Variants in SZT2 observed in about 807,000 individuals in gnomAD.
SZT2 encodes the protein KICSTOR complex protein SZT2.
A neutral mutation model predicts 404.2 loss-of-function variants in SZT2; 216 were observed. The ratio of observed to expected loss-of-function variants is 0.53; its 90% CI spans 0.48 to 0.60. The LOEUF is 0.60. Among genes scored for constraint, SZT2 ranks in the 20% least tolerant of loss-of-function variants. SZT2 has a pLI of 0.00. For synonymous variants in SZT2, 1,693 were observed against 1,749.9 expected (o/e 0.97, Z 0.81); for missense variants, 3,857 against 4,459.2 (o/e 0.86, Z 3.85).
Position 43,449,872 on chromosome 1 carries a change from C to T in SZT2, c.10087-231C>T, listed in dbSNP as rs1656173763. On this transcript the variant is annotated intron_variant, in intron 70 of 71. Coordinates refer to ENST00000634258, the MANE Select transcript of SZT2 (RefSeq NM_001365999.1). ...GTGTGCCAGGCTCTGTGTGGGGCCTCCAGGATCAACTGTTACCCCTCATTC... is the reference window on the plus strand; with the variant it reads ...GTGTGCCAGGCTCTGTGTGGGGCCTTCAGGATCAACTGTTACCCCTCATTC... 5 of 608,520 alleles carry T rather than the reference C, an allele frequency of 8.2e-6. No individual in the cohort carries two copies. In the South Asian group the frequency reaches 9.3e-5, roughly 11 times the overall value. The allele number at this position is 608,520 out of a possible 1,614,324, so 37.7% of individuals were successfully genotyped here. A position where few individuals can be genotyped will look rare whatever the true frequency, so the allele number is the denominator to read the frequency against.
chr1:43,396,487 A>G (rs839758), intron 1 of SZT2, among the ~76,000 whole-genome samples: 67,635 of 152,042 alleles, frequency 0.44, 15,522 homozygotes, highest in African/African-American at 0.51. Flanking sequence ...TCCCAACTCT[A>G]CCAACTAAAC....
rs1486989745 is a variant in SZT2 at position 43,452,351 on chromosome 1, C to G, written c.*1871C>G. On this transcript the variant is annotated 3_prime_UTR_variant, in exon 72 of 72. Transcript: ENST00000634258. ...GGAAGATGGACTGGAGGCCTTGCCT[C>G]CCTTGGCTCTCTCTGCACCTCTTCC... 1 of 1,550,140 alleles carries G rather than the reference C, an allele frequency of 6.5e-7. No individual in the cohort carries two copies. Among genetic ancestry groups the G allele is most frequent in the South Asian group, 1.1e-5 (1 of 88,378 alleles).
chr1:43,404,425 C>G lies in SZT2; in HGVS notation c.373C>G (p.Leu125Val), dbSNP rs1158716180. The G allele has an allele frequency of 6.2e-7, 1 of 1,614,068 alleles. No individual in the cohort carries two copies. The highest frequency in any genetic ancestry group is 1.3e-5 in the African/African-American group (1 of 75,040). Reference protein sequence around the residue: ...EILFDEVFHALSRCLGGLLRP... With the variant: ...EILFDEVFHAVSRCLGGLLRP... Reference sequence around the variant, plus strand: ...CTTGTTTGATGAAGTTTTCCATGCCCTGTCCCGCTGCTTAGGCGGGCTGCT... The same window carrying G: ...CTTGTTTGATGAAGTTTTCCATGCCGTGTCCCGCTGCTTAGGCGGGCTGCT... The change falls in exon 4 of 72, where the codon CTG (leucine) becomes GTG (valine). Residue 125 changes from leucine (L) to valine (V), a missense_variant. By Grantham distance (32) the Leu-to-Val change is conservative. Transcript: ENST00000634258.
At chr1:43,446,302 GTC>G (rs753027150) in intron 64 of SZT2, 38 bp from the exon 65 acceptor site, 1 of 1,614,206 alleles carries the variant, frequency 6.2e-7, no homozygotes, top group South Asian at 1.1e-5. Context: ...AGACCCACCT[GTC>G]TCTCGCCTTC....
chr1:43,404,248 T>C (rs1341900695), intron 3 of SZT2, 132 bp from the exon 4 acceptor site: 2 of 741,562 alleles, frequency 2.7e-6, no homozygotes, highest in Non-Finnish European at 2.2e-6. Context: ...AACTGTTCCA[T>C]GTGTGGCACT....
rs780407748 is a variant in SZT2, at chr1:43,435,278, C to T, written c.5983C>T (p.Arg1995Cys). ...GGCCGAGAGTGAAGAAGATCTGTGG[C>T]GCAGTGAGACTCCCTTCCACTCCCG... ...LVAESEEDLW[R>C]SETPFHSRQR... Residue 1995 changes from arginine (R) to cysteine (C), a missense_variant, in exon 42 of 72, where the codon CGC becomes TGC. Arg to Cys is a radical substitution (Grantham distance 180). Transcript: ENST00000634258. 3.7e-6 allele frequency: 6 copies of T among 1,614,208 alleles called. No individual in the cohort carries two copies. The highest frequency in any genetic ancestry group is 1.7e-5 in the Admixed American group (1 of 60,020).
Position 43,450,281 on chromosome 1 carries a change from C to T in SZT2, c.10156-56C>T. ...TGCCCACCCTTTCTGAGCCCTGCCT[C>T]CTATCCCCACCCATGCCCTCCTCTC... On this transcript the variant is annotated intron_variant, in intron 71 of 71. Transcript: ENST00000634258. This position sits in a 1 kb window ranked among gnomAD's most constrained non-coding sequence, Gnocchi z 4.3. 3.1e-6 allele frequency: 5 copies of T among 1,613,750 alleles called. No homozygotes were observed. The highest frequency in any genetic ancestry group is 2.2e-5 in the East Asian group (1 of 44,872).
chr1:43,431,908 T>C lies in SZT2; in HGVS notation c.5274+7T>C, dbSNP rs372829949. 2.5e-5 allele frequency: 41 copies of C among 1,613,896 alleles called. No individual in the cohort carries two copies. Among genetic ancestry groups the C allele is most frequent in the Non-Finnish European group, 3.4e-5 (40 of 1,180,010 alleles). Reference sequence around the variant, plus strand: ...CCTCACACAATTCAAGGAGGTAAGTTGCCCTCCAAACACTGCAGGGTCACC... The same window carrying C: ...CCTCACACAATTCAAGGAGGTAAGTCGCCCTCCAAACACTGCAGGGTCACC... On this transcript the variant is annotated splice_region_variant and intron_variant, in intron 36 of 71. Coordinates refer to ENST00000634258, the MANE Select transcript of SZT2 (RefSeq NM_001365999.1).
At chr1:43,440,751 C>T (rs998356458) in intron 52 of SZT2, among the ~76,000 whole-genome samples, 165 bp downstream of exon 52, 3 of 152,176 alleles carry the variant, frequency 2.0e-5, no homozygotes, top group African/African-American at 7.2e-5. Flanking sequence ...TTAGTCCCAG[C>T]TCCTCAGGAG....
rs773947729 is a variant in SZT2 at position 43,451,758 on chromosome 1, C to G, written c.*1278C>G. ...CTACATTCCGAGACCCCGCAGGCCCCGCCCTCCTTCCGATCTGCGAAGTAC... is the reference window on the plus strand; with the variant it reads ...CTACATTCCGAGACCCCGCAGGCCCGGCCCTCCTTCCGATCTGCGAAGTAC... On this transcript the variant is annotated 3_prime_UTR_variant, in exon 72 of 72. Coordinates refer to ENST00000634258, the MANE Select transcript of SZT2 (RefSeq NM_001365999.1). 6.2e-7 allele frequency: 1 copy of G among 1,613,790 alleles called. No homozygotes were observed. The highest frequency in any genetic ancestry group is 8.5e-7 in the Non-Finnish European group (1 of 1,179,682).
chr1:43,404,702 C>G lies in SZT2; in HGVS notation c.498+152C>G, dbSNP rs570637110. Reference sequence around the variant, plus strand: ...TTTCTAGTCATCCTCATGAGTCTCTCTCTCCTTGAGAAGAACCAGTTCCTC... The same window carrying G: ...TTTCTAGTCATCCTCATGAGTCTCTGTCTCCTTGAGAAGAACCAGTTCCTC... On this transcript the variant is annotated intron_variant, in intron 4 of 71. Coordinates refer to ENST00000634258, the MANE Select transcript of SZT2 (RefSeq NM_001365999.1). 5.3e-5 allele frequency: 39 copies of G among 741,644 alleles called. 2 individuals are homozygous for G. The South Asian group carries it at 7.9e-4, about 15-fold the overall frequency. The allele number at this position is 741,644 out of a possible 1,614,324, so 45.9% of individuals were successfully genotyped here.
chr1:43,443,754 G>A lies in SZT2; in HGVS notation c.8783G>A (p.Gly2928Asp), dbSNP rs1263827442. The change falls in exon 62 of 72, where the codon GGT becomes GAT. Residue 2928 changes from glycine to aspartate, a missense_variant. Gly to Asp is a moderately conservative substitution (Grantham distance 94). Around this residue, in one of 7 missense-constraint regions of SZT2, gnomAD observed 717 missense variants for 868.2 expected, o/e 0.83. Transcript: ENST00000634258. ...QQYVQYLQSI[G>D]FVLVPLRPPS... ...TATGTGCAGTATCTGCAGAGCATAG[G>A]TTTTGTGCTGGTACCACTGCGGCCC... The A allele has an allele frequency of 3.7e-6, 6 of 1,614,000 alleles. No homozygotes were observed. The highest frequency in any genetic ancestry group is 5.1e-6 in the Non-Finnish European group (6 of 1,180,036).
At position 43,442,318 on chromosome 1, in the gene SZT2, C is replaced by A. The variant is rs201557875; in HGVS notation, c.7924C>A (p.Arg2642=). Residue 2642 remains arginine (R), a synonymous_variant, in exon 57 of 72, where the codon CGA becomes AGA. Transcript: ENST00000634258. The surrounding 1 kb of genome is among the most constrained non-coding windows in gnomAD (Gnocchi z 4.5). The part of the protein sequence containing the change: ...FEPGGDGSSG[R]NAPRQRLLLL... ...GCCAGGAGGTGATGGGAGCTCAGGGCGAAATGCTCCCCGGCAGAGGCTCTT... is the reference window on the plus strand; with the variant it reads ...GCCAGGAGGTGATGGGAGCTCAGGGAGAAATGCTCCCCGGCAGAGGCTCTT... 9.3e-6 allele frequency: 15 copies of A among 1,614,036 alleles called. No homozygotes were observed. In the East Asian group the frequency reaches 3.1e-4, roughly 34 times the overall value.
intron 60 of SZT2, 26 bp downstream of exon 60, chr1:43,443,293 C>G (rs1655279344): frequency 6.2e-7 from 1 of 1,614,178 alleles, no homozygotes; most frequent in Non-Finnish European, 8.5e-7. Flanking sequence ...TTGCATCTTC[C>G]TTGAGTATCT....
Position 43,437,234 on chromosome 1 carries a change from C to T in SZT2, c.6098C>T (p.Pro2033Leu). The T allele has an allele frequency of 6.2e-7, 1 of 1,614,154 alleles. No homozygotes were observed. Among genetic ancestry groups the T allele is most frequent in the Non-Finnish European group, 8.5e-7 (1 of 1,180,032 alleles). The change falls in exon 43 of 72, where the codon CCT (proline) becomes CTT (leucine). Residue 2033 changes from proline (P) to leucine (L), a missense_variant. This residue lies in a region of SZT2 where 261 missense variants were observed against 372.9 expected (regional missense o/e 0.70). Transcript: ENST00000634258. This position sits in a 1 kb window ranked among gnomAD's most constrained non-coding sequence, Gnocchi z 5.3. ...GYLAATMQFV[P>L]GHFSCDVVWG... is the part of the protein sequence containing the mutation. The stretch of plus-strand genomic sequence containing the variant: ...CTGGCAGCCACAATGCAGTTTGTCC[C>T]TGGCCATTTCTCCTGTGACGTTGTG...
intron 4 of SZT2, chr1:43,406,913 G>T (rs1437186324): frequency 6.6e-6 from 1 of 152,224 alleles, no homozygotes; most frequent in Admixed American, 6.5e-5. Flanking sequence ...ATGTGCAAAT[G>T]TTAGCTATTA....
intron 7 of SZT2, among the ~76,000 whole-genome samples, chr1:43,418,236 A>G (rs1651927333): frequency 1.3e-5 from 2 of 152,182 alleles, no homozygotes. Context: ...AGTACAGGGT[A>G]AAGGAGTGTT....
In SZT2 at chr1:43,443,509, T is replaced by C. The variant is rs761765094; in HGVS notation, c.8625+32T>C. ...CTGACTCCCAGACTTCTAGCAGACC[T>C]TTGCTTACCCCACAGTGACCCCCCT... is the stretch of plus-strand genomic sequence containing the variant. On this transcript the variant is annotated intron_variant, in intron 61 of 71. Transcript: ENST00000634258. 16 of 1,613,782 alleles carry C rather than the reference T, an allele frequency of 9.9e-6. No homozygotes were observed. The East Asian group carries it at 1.8e-4, about 18-fold the overall frequency.
At position 43,448,887 on chromosome 1, in the gene SZT2, T is replaced by C. The variant is rs1217267909; in HGVS notation, c.10086+159T>C. 4.3e-6 allele frequency: 3 copies of C among 690,316 alleles called. No homozygotes were observed. In the African/African-American group the frequency reaches 5.3e-5, roughly 12 times the overall value. The allele number at this position is 690,316 out of a possible 1,614,324, so 42.8% of individuals were successfully genotyped here. On this transcript the variant is annotated intron_variant, in intron 70 of 71. Transcript: ENST00000634258. This position sits in a 1 kb window ranked among gnomAD's most constrained non-coding sequence, Gnocchi z 4.2. ...TGTAAAACCCTTCCAGTACCGGGCA[T>C]CGAGCTACAGCATGTGATTCTCTGA... is the stretch of plus-strand genomic sequence containing the variant.
Sources: allele counts gnomAD v4.1 joint callset (sites outside exome capture counted in the v4.1 genomes callset), GRCh38; gene constraint gnomAD v4.1.1; regional missense constraint gnomAD v4.1.1; non-coding constraint Gnocchi (gnomAD v3.1); transcripts MANE v1.5; gene names NCBI Gene and HGNC (gene_info 2026-07-23, HGNC 2026-07-21).